Variants in PABIR2 observed in about 807,000 individuals in gnomAD.
PABIR2 encodes family with sequence similarity 122B.
Under a neutral mutation model 22.8 loss-of-function variants are expected in PABIR2, and 7 were observed. The observed-to-expected ratio is 0.31, with a 90% CI of 0.17 to 0.58. PABIR2 has a LOEUF of 0.58. PABIR2 is among the 20% of genes least tolerant of loss of function. The pLI, the probability that PABIR2 is intolerant of heterozygous loss-of-function variation, is 0.89. For missense variants in PABIR2, 155 were observed against 205.1 expected (o/e 0.76, Z 1.49); for synonymous variants, 67 against 73.8 (o/e 0.91, Z 0.47).
intron 5 of PABIR2, 29 bp from the exon 6 acceptor site, chrX:134,788,860 A>G: frequency 8.6e-7 from 1 of 1,159,211 alleles, no homozygotes. Flanking sequence ...ATCTCCTCAT[A>G]ATAAATTCAG....
intron 9 of PABIR2, among the ~76,000 whole-genome samples, chrX:134,773,790 T>C (rs918748211): frequency 8.9e-6 from 1 of 112,137 alleles, no homozygotes; most frequent in Non-Finnish European, 1.9e-5. Flanking sequence ...CAGTCTAACA[T>C]GCTCTGAGTC....
In PABIR2 at chrX:134,771,003, C is replaced by A. The variant is rs955612444; in HGVS notation, c.*1136G>T. ...CACAATAACTATAAGGCAGTAAGAA[C>A]AAGAACTGGATTCTGATTCTGGCAG... On this transcript the variant is annotated 3_prime_UTR_variant, in exon 10 of 10. Transcript: ENST00000343004. 3 of 227,576 alleles carry A rather than the reference C, an allele frequency of 1.3e-5. No homozygotes were observed. The highest frequency in any genetic ancestry group is 7.9e-6 in the Non-Finnish European group (1 of 126,724). 18.8% of individuals were successfully genotyped at this position (227,576 alleles called of 1,213,427 possible). A position where few individuals can be genotyped will look rare whatever the true frequency, so the allele number is the denominator to read the frequency against.
chrX:134,788,534 T>C (rs1569430948), intron 6 of PABIR2, among the ~76,000 whole-genome samples, 196 bp downstream of exon 6: 1 of 106,570 alleles, frequency 9.4e-6, no homozygotes, highest in Non-Finnish European at 1.9e-5. Context: ...ATGTAATATA[T>C]ATGTTATATA....
intron 9 of PABIR2, among the ~76,000 whole-genome samples, chrX:134,776,333 A>T (rs766046536): frequency 4.5e-5 from 5 of 111,817 alleles, no homozygotes; most frequent in Non-Finnish European, 9.4e-5. Flanking sequence ...TTTTCCGTTC[A>T]TAAAAAAGAA....
Position 134,771,296 on chromosome X carries a change from T to C in PABIR2, c.*843A>G. On this transcript the variant is annotated 3_prime_UTR_variant, in exon 10 of 10. Transcript: ENST00000343004. Reference sequence around the variant, plus strand: ...TTGTGTGTAAATAACTATTCATTCATTTGTAGATGCTCCACACATCTGGTC... The same window carrying C: ...TTGTGTGTAAATAACTATTCATTCACTTGTAGATGCTCCACACATCTGGTC... The C allele has an allele frequency of 8.7e-7, 1 of 1,153,212 alleles. No individual in the cohort carries two copies. Among genetic ancestry groups the C allele is most frequent in the East Asian group, 3.3e-5 (1 of 30,601 alleles).
chrX:134,778,212 A>T (rs1384517583), intron 9 of PABIR2, among the ~76,000 whole-genome samples: 4 of 101,606 alleles, frequency 3.9e-5, no homozygotes, highest in South Asian at 5.1e-4. Context: ...GTTTTTATAT[A>T]AAAAAAATCG....
Position 134,796,326 on chromosome X carries a change from G to C in PABIR2, c.-121C>G. The C allele has an allele frequency of 2.5e-6, 1 of 395,891 alleles. No homozygotes were observed. The highest frequency in any genetic ancestry group is 4.3e-6 in the Non-Finnish European group (1 of 231,253). The allele number at this position is 395,891 out of a possible 1,213,427, so 32.6% of individuals were successfully genotyped here. On this transcript the variant is annotated 5_prime_UTR_variant, in exon 1 of 10. Transcript: ENST00000343004. ...ACTGGCAGCTGGGGGCGGGGGCTAAGGGGCGGAGGCTTGGGGACGGGGGCG... is the reference window on the plus strand; with the variant it reads ...ACTGGCAGCTGGGGGCGGGGGCTAACGGGCGGAGGCTTGGGGACGGGGGCG...
intron 8 of PABIR2, among the ~76,000 whole-genome samples, chrX:134,783,811 C>A (rs1225483626): frequency 9.1e-6 from 1 of 110,001 alleles, no homozygotes; most frequent in Non-Finnish European, 1.9e-5. Flanking sequence ...TGGCTCATAC[C>A]TGTGTAATCC....
At chrX:134,788,500 TTATATATGTAATATGTTA>T (rs2079441851) in intron 6 of PABIR2, among the ~76,000 whole-genome samples, 1 of 106,308 alleles carries the variant, frequency 9.4e-6, no homozygotes, top group Non-Finnish European at 1.9e-5. Flanking sequence ...AATATATACG[TTATATATGTAATATGTTA>T]TATATATGTA....
intron 8 of PABIR2, among the ~76,000 whole-genome samples, chrX:134,784,139 G>C (rs1402787780): frequency 9.2e-6 from 1 of 109,071 alleles, no homozygotes; most frequent in Non-Finnish European, 1.9e-5. Context: ...GTTGACACTT[G>C]CAATCATGTA....
At position 134,781,350 on chromosome X, in the gene PABIR2, G is replaced by A. The variant is rs181502706; in HGVS notation, c.659+471C>T. ...ACAATTTTGATGGTAAGGAGCTGGGGGGCAGAAAGCATAATTTTATTGAGC... is the reference window on the plus strand; with the variant it reads ...ACAATTTTGATGGTAAGGAGCTGGGAGGCAGAAAGCATAATTTTATTGAGC... On this transcript the variant is annotated intron_variant, in intron 9 of 9. Coordinates refer to ENST00000343004, the MANE Select transcript of PABIR2 (RefSeq NM_001387468.1). Among the ~76,000 whole-genome samples the A allele has an allele frequency of 5.3e-5, 6 of 112,261 alleles. No homozygotes were observed. In the East Asian group the frequency reaches 1.1e-3, roughly 21 times the overall value.
intron 9 of PABIR2, among the ~76,000 whole-genome samples, chrX:134,780,891 G>C (rs1333855136): frequency 8.9e-6 from 1 of 112,433 alleles, no homozygotes; most frequent in East Asian, 2.8e-4. Flanking sequence ...GTAAGAATCA[G>C]GAAATGTTAT....
chrX:134,794,468 C>A (rs1291345268), intron 1 of PABIR2, among the ~76,000 whole-genome samples: 2 of 111,117 alleles, frequency 1.8e-5, no homozygotes, highest in African/African-American at 6.5e-5. Context: ...CCTGTCCTTC[C>A]ACATCCATCT....
chrX:134,786,131 T>C (rs1297237325), intron 7 of PABIR2, among the ~76,000 whole-genome samples, 181 bp from the exon 8 acceptor site: 1 of 112,379 alleles, frequency 8.9e-6, no homozygotes, highest in Non-Finnish European at 1.9e-5. Context: ...TATGGCAACC[T>C]GGAATAATAC....
At chrX:134,776,844 T>G (rs2078991617) in intron 9 of PABIR2, among the ~76,000 whole-genome samples, 1 of 112,085 alleles carries the variant, frequency 8.9e-6, no homozygotes, top group African/African-American at 3.2e-5. Context: ...CAAGATAACA[T>G]CTAATGATCT....
At chrX:134,791,064 A>T (rs2079533442) in intron 2 of PABIR2, among the ~76,000 whole-genome samples, 1 of 111,878 alleles carries the variant, frequency 8.9e-6, no homozygotes, top group Non-Finnish European at 1.9e-5. Flanking sequence ...AACTGGGGAG[A>T]AAGTCAGAAA....
At chrX:134,772,472 C>T (rs945288565) in intron 9 of PABIR2, among the ~76,000 whole-genome samples, 189 bp from the exon 10 acceptor site, 3 of 111,716 alleles carry the variant, frequency 2.7e-5, no homozygotes, top group African/African-American at 9.8e-5. Context: ...TAAGACTCTT[C>T]GAGGTCCTGT....
At chrX:134,777,877 T>G (rs1269722360) in intron 9 of PABIR2, among the ~76,000 whole-genome samples, 8 of 104,975 alleles carry the variant, frequency 7.6e-5, no homozygotes, top group African/African-American at 1.8e-4. Context: ...TTTTTGTTTG[T>G]TTGGTTGGTT....
intron 2 of PABIR2, chrX:134,793,610 G>A: frequency 2.0e-6 from 1 of 512,381 alleles, no homozygotes; most frequent in South Asian, 2.5e-5. Context: ...AAAATACAAA[G>A]TCACACAGCA....
Sources: gnomAD v4.1 joint callset for allele counts (sites outside exome capture counted in the v4.1 genomes callset) on GRCh38, gnomAD v4.1.1 for gene constraint, MANE v1.5 for transcripts, NCBI Gene and HGNC (gene_info 2026-07-23, HGNC 2026-07-21) for gene names.